Variants in MEIS1 observed in about 807,000 individuals in gnomAD.
MEIS1 encodes homeobox protein Meis1.
In MEIS1, 5 loss-of-function variants were observed where a neutral mutation model predicts 50.8. That is an observed-to-expected ratio of 0.10 (90% CI 0.05 to 0.21). The LOEUF (loss-of-function observed/expected upper bound fraction) is 0.21, where lower values mean the gene tolerates loss of function less well. Ranked by LOEUF, MEIS1 falls within the 10% of genes least tolerant of loss-of-function variation. MEIS1 has a pLI of 1.00. For missense variants in MEIS1, 318 were observed against 517.3 expected, an observed-to-expected ratio of 0.61 and a Z score of 3.74; for synonymous variants, 176 against 179.3, an observed-to-expected ratio of 0.98 and a Z score of 0.15.
chr2:66,463,712 T>C (rs558405804), intron 6 of MEIS1, among the ~76,000 whole-genome samples: 1 of 152,178 alleles, frequency 6.6e-6, no homozygotes, highest in Non-Finnish European at 1.5e-5. Flanking sequence ...GAGGCCCCTA[T>C]AAACCACAGT....
chr2:66,533,139 T>A (rs993804439), intron 8 of MEIS1, among the ~76,000 whole-genome samples: 1 of 152,142 alleles, frequency 6.6e-6, no homozygotes, highest in Non-Finnish European at 1.5e-5. Context: ...GGCCAAAAGA[T>A]CCTCTGCTCC....
At chr2:66,501,362 A>AT (rs1308473209) in intron 7 of MEIS1, among the ~76,000 whole-genome samples, 1 of 152,080 alleles carries the variant, frequency 6.6e-6, no homozygotes, top group Non-Finnish European at 1.5e-5. Context: ...ATTTCAGTAT[A>AT]TTTTGCAGTG....
Position 66,568,712 on chromosome 2 carries a change from G to A in MEIS1, c.1070G>A (p.Gly357Asp), listed in dbSNP as rs371528287. 3.3e-5 allele frequency: 54 copies of A among 1,613,656 alleles called. No individual in the cohort carries two copies. The highest frequency in any genetic ancestry group is 4.2e-5 in the Non-Finnish European group (49 of 1,179,736). ...AATCCTGATGGACAGCCCATGGGAG[G>A]TTTCGTAATGGACGGTCAGCAACAT... ...PYNPDGQPMG[G>D]FVMDGQQHMG... is the part of the protein sequence containing the mutation. The change falls in exon 11 of 13, where the codon GGT (glycine) becomes GAT (aspartate). Residue 357 changes from glycine (G) to aspartate (D), a missense_variant. Physicochemically the swap from Gly to Asp is moderately conservative, Grantham distance 94. Transcript: ENST00000272369.
chr2:66,500,493 C>T (rs1673526679), intron 7 of MEIS1, among the ~76,000 whole-genome samples: 1 of 151,952 alleles, frequency 6.6e-6, no homozygotes, highest in Admixed American at 6.6e-5. Context: ...GGCTCGATCT[C>T]CACTTGCTGC....
intron 8 of MEIS1, among the ~76,000 whole-genome samples, chr2:66,532,932 G>A (rs1192406959): frequency 3.3e-5 from 5 of 152,114 alleles, no homozygotes; most frequent in Non-Finnish European, 7.4e-5. Context: ...AACTAAAAAA[G>A]AAGACAGTTT....
chr2:66,538,868 C>T (rs1473598257), intron 8 of MEIS1, among the ~76,000 whole-genome samples: 3 of 151,950 alleles, frequency 2.0e-5, no homozygotes, highest in African/African-American at 7.3e-5. Context: ...TTCTATGATC[C>T]TTAAAAGAGT....
rs879335371 is a variant in MEIS1, at chr2:66,545,170, CA to C, written c.889-2769del. On this transcript the variant is annotated intron_variant, in intron 8 of 12. Transcript: ENST00000272369. ...TTAAGACATAACTAATAAGACAGGG[CA>C]AAAGGTTTTGCCATCTGACTATACT... 3.7e-4 allele frequency among the ~76,000 whole-genome samples: 56 copies of C among 152,162 alleles called. No homozygotes were observed. In the Middle Eastern group the frequency reaches 0.014, roughly 37 times the overall value.
chr2:66,447,243 C>T (rs967847585), intron 6 of MEIS1, among the ~76,000 whole-genome samples: 3 of 152,202 alleles, frequency 2.0e-5, no homozygotes, highest in African/African-American at 7.2e-5. Context: ...AAAATGGTCC[C>T]TTTGTCAGGT....
In MEIS1 at chr2:66,443,006, A is replaced by G; in HGVS notation, c.588A>G (p.Ser196=). Reference sequence around the variant, plus strand: ...ACGATAGAGAAGGAGGATCAAAATCAGACAGTGAAGATATAACAAGATCAG... The same window carrying G: ...ACGATAGAGAAGGAGGATCAAAATCGGACAGTGAAGATATAACAAGATCAG... The part of the protein sequence containing the change: ...VIDDREGGSK[S]DSEDITRSAN... The change falls in exon 6 of 13, where the codon TCA becomes TCG. Residue 196 remains serine, a synonymous_variant. Coordinates refer to ENST00000272369, the MANE Select transcript of MEIS1 (RefSeq NM_002398.3). 3 of 1,604,172 alleles carry G rather than the reference A, an allele frequency of 1.9e-6. No individual in the cohort carries two copies. The African/African-American group carries it at 4.0e-5, about 22-fold the overall frequency.
intron 9 of MEIS1, among the ~76,000 whole-genome samples, chr2:66,554,136 G>C (rs904202921): frequency 6.6e-5 from 10 of 152,232 alleles, no homozygotes; most frequent in Admixed American, 3.3e-4. Flanking sequence ...TGGGGTTCAA[G>C]TGAGGCTCAG....
intron 2 of MEIS1, chr2:66,439,332 G>T: frequency 8.5e-7 from 1 of 1,174,738 alleles, no homozygotes; most frequent in Non-Finnish European, 1.0e-6. Context: ...TTGACAGTCG[G>T]CCCCACGGCC....
intron 7 of MEIS1, among the ~76,000 whole-genome samples, chr2:66,481,416 A>G (rs894213571): frequency 6.6e-6 from 1 of 152,154 alleles, no homozygotes; most frequent in Non-Finnish European, 1.5e-5. Flanking sequence ...CCTGCTGCCT[A>G]TCAGCATTGC....
At chr2:66,444,495 G>A (rs1201440635) in intron 6 of MEIS1, among the ~76,000 whole-genome samples, 1 of 152,262 alleles carries the variant, frequency 6.6e-6, no homozygotes, top group African/African-American at 2.4e-5. Context: ...GCGAGAAACA[G>A]GCAGAGCAGA....
rs554360068 is a variant in MEIS1 at position 66,524,146 on chromosome 2, A to G, written c.888+11852A>G. ...GAGAAAAAGAGTTTTGCTGGCTTGA[A>G]GTGTCCTGTTTACCTTCTTGTGCTG... is the stretch of plus-strand genomic sequence containing the variant. On this transcript the variant is annotated intron_variant, in intron 8 of 12. Coordinates refer to ENST00000272369, the MANE Select transcript of MEIS1 (RefSeq NM_002398.3). Among the ~76,000 whole-genome samples the G allele has an allele frequency of 6.6e-5, 10 of 152,314 alleles. No homozygotes were observed. The East Asian group carries it at 1.9e-3, about 29-fold the overall frequency.
intron 6 of MEIS1, among the ~76,000 whole-genome samples, chr2:66,458,299 G>A (rs1672440863): frequency 6.6e-6 from 1 of 152,152 alleles, no homozygotes; most frequent in Admixed American, 6.5e-5. Context: ...TTGATGAGGT[G>A]GGGAGGAACA....
At chr2:66,484,459 T>A (rs184373457) in intron 7 of MEIS1, among the ~76,000 whole-genome samples, 55 of 152,344 alleles carry the variant, frequency 3.6e-4, no homozygotes, top group Non-Finnish European at 7.8e-4. Context: ...TGCAAGCCCA[T>A]TTATCCCTTC....
chr2:66,504,778 C>G (rs1375079640), intron 7 of MEIS1, among the ~76,000 whole-genome samples: 1 of 152,214 alleles, frequency 6.6e-6, no homozygotes, highest in African/African-American at 2.4e-5. Context: ...TAAGCCTCTT[C>G]TAGAACTTAG....
chr2:66,453,066 A>G (rs971061166), intron 6 of MEIS1, among the ~76,000 whole-genome samples: 1 of 151,892 alleles, frequency 6.6e-6, no homozygotes, highest in African/African-American at 2.4e-5. Context: ...TTTCCAAATT[A>G]CCCTGCCATT....
At chr2:66,483,410 C>T (rs1673066062) in intron 7 of MEIS1, among the ~76,000 whole-genome samples, 2 of 152,030 alleles carry the variant, frequency 1.3e-5, no homozygotes, top group South Asian at 2.1e-4. Flanking sequence ...GTGATGCCTT[C>T]CAAGAAATTG....
Sources: allele counts gnomAD v4.1 joint callset (sites outside exome capture counted in the v4.1 genomes callset), GRCh38; gene constraint gnomAD v4.1.1; transcripts MANE v1.5; gene names NCBI Gene and HGNC (gene_info 2026-07-23, HGNC 2026-07-21).